The following CUBN variants were observed in gnomAD, a reference collection of about 807,000 sequenced individuals.
CUBN encodes the protein 460 kDa receptor.
In CUBN, 282 loss-of-function variants were observed where a neutral mutation model predicts 405.3. The observed-to-expected ratio is 0.70, with a 90% CI of 0.63 to 0.77. The LOEUF (loss-of-function observed/expected upper bound fraction) is 0.77, where lower values mean the gene tolerates loss of function less well. CUBN is among the 30% of genes least tolerant of loss of function. CUBN has a pLI of 0.00. For synonymous variants in CUBN, 1,684 were observed against 1,617.0 expected, an observed-to-expected ratio of 1.04 and a Z score of -0.99; for missense variants, 4,514 against 4,475.2, an observed-to-expected ratio of 1.01 and a Z score of -0.25.
At chr10:16,892,520 G>A (rs1289207577) in intron 54 of CUBN, among the ~76,000 whole-genome samples, 1 of 151,846 alleles carries the variant, frequency 6.6e-6, no homozygotes, top group Non-Finnish European at 1.5e-5. Flanking sequence ...TTTTGAGACA[G>A]TCTCACTCTC....
At chr10:17,042,087 G>A (rs895094410) in intron 26 of CUBN, among the ~76,000 whole-genome samples, 2 of 152,072 alleles carry the variant, frequency 1.3e-5, no homozygotes, top group African/African-American at 2.4e-5. Context: ...TTCCTACTAC[G>A]ATATGCTTTC....
In CUBN at chr10:17,112,790, T is replaced by C. The variant is rs550035797; in HGVS notation, c.883+1237A>G. Among the ~76,000 whole-genome samples, 98 of 152,128 alleles carry C rather than the reference T, an allele frequency of 6.4e-4. 2 individuals carry two copies. In the South Asian group the frequency reaches 0.02, roughly 31 times the overall value. On this transcript the variant is annotated intron_variant, in intron 8 of 66. Transcript: ENST00000377833. The stretch of plus-strand genomic sequence containing the variant: ...GGCGAGAAGAAACTTGCCAAGAAAC[T>C]TGGGTTTCAATTCTGGCTATCTGTA...
intron 22 of CUBN, among the ~76,000 whole-genome samples, chr10:17,060,411 C>G (rs1835479334): frequency 6.6e-6 from 1 of 151,880 alleles, no homozygotes. Flanking sequence ...ATAAGCCACC[C>G]TGCCTGGCCA....
chr10:17,071,565 G>C lies in CUBN; in HGVS notation c.2486C>G (p.Ser829Trp). 2 of 1,613,760 alleles carry C rather than the reference G, an allele frequency of 1.2e-6. No individual in the cohort carries two copies. The highest frequency in any genetic ancestry group is 1.7e-6 in the Non-Finnish European group (2 of 1,179,856). Residue 829 changes from serine to tryptophan, a missense_variant, in exon 19 of 67, where the codon TCG becomes TGG. This residue lies in a region of CUBN where 1,448 missense variants were observed against 1,388.0 expected (regional missense o/e 1.04). Transcript: ENST00000377833. ...DELTGEGVIR[S>W]PFFPNVYPGE... Reference sequence around the variant, plus strand: ...AGGATACACGTTAGGAAAAAAAGGCGAGCGAATGACCCCTTCTCCAGTTAA... The same window carrying C: ...AGGATACACGTTAGGAAAAAAAGGCCAGCGAATGACCCCTTCTCCAGTTAA...
intron 29 of CUBN, among the ~76,000 whole-genome samples, chr10:16,988,358 T>C (rs1033173579): frequency 1.3e-5 from 2 of 152,206 alleles, no homozygotes; most frequent in South Asian, 2.1e-4. Flanking sequence ...AGTCCTACTT[T>C]GTGCTGTGAG....
chr10:17,052,643 C>G (rs990599232), intron 22 of CUBN, among the ~76,000 whole-genome samples: 14 of 150,638 alleles, frequency 9.3e-5, no homozygotes, highest in African/African-American at 2.4e-4. Context: ...GCCTGTAGTC[C>G]CAGCTACTCG....
chr10:16,862,041 C>G (rs1840028374), intron 59 of CUBN, among the ~76,000 whole-genome samples: 1 of 152,006 alleles, frequency 6.6e-6, no homozygotes, highest in Non-Finnish European at 1.5e-5. Flanking sequence ...CCCAGCTACT[C>G]AAGGGGCTGA....
intron 48 of CUBN, among the ~76,000 whole-genome samples, chr10:16,911,360 G>A (rs1356256334): frequency 6.6e-6 from 1 of 152,162 alleles, no homozygotes; most frequent in Non-Finnish European, 1.5e-5. Context: ...GAGACGATTG[G>A]GAAAGTATAT....
intron 62 of CUBN, among the ~76,000 whole-genome samples, chr10:16,839,481 G>T (rs1417016946): frequency 6.6e-6 from 1 of 150,454 alleles, no homozygotes; most frequent in African/African-American, 2.4e-5. Context: ...ATCATCACTA[G>T]CCATCAGAGA....
chr10:17,081,206 T>C (rs1319261765), intron 17 of CUBN, among the ~76,000 whole-genome samples: 1 of 152,198 alleles, frequency 6.6e-6, no homozygotes, highest in Non-Finnish European at 1.5e-5. Flanking sequence ...CACTCAGCAA[T>C]GGTACCTTAA....
At chr10:16,896,822 G>A (rs1338125599) in intron 54 of CUBN, among the ~76,000 whole-genome samples, 1 of 152,106 alleles carries the variant, frequency 6.6e-6, no homozygotes, top group Non-Finnish European at 1.5e-5. Context: ...GAGTCCCTAA[G>A]TCTGTGTTGA....
At chr10:17,002,943 A>G (rs1298443039) in intron 28 of CUBN, among the ~76,000 whole-genome samples, 1 of 152,218 alleles carries the variant, frequency 6.6e-6, no homozygotes, top group Non-Finnish European at 1.5e-5. Context: ...CTTTGGTTCC[A>G]CACTAAGAAG....
At chr10:16,986,402 C>A (rs1833425784) in intron 29 of CUBN, among the ~76,000 whole-genome samples, 1 of 152,058 alleles carries the variant, frequency 6.6e-6, no homozygotes, top group Non-Finnish European at 1.5e-5. Flanking sequence ...GGAGTGAGAA[C>A]AAGAAGCCTA....
intron 58 of CUBN, 42 bp from the exon 59 acceptor site, chr10:16,869,895 C>T (rs751749468): frequency 3.5e-6 from 5 of 1,416,942 alleles, no homozygotes; most frequent in Non-Finnish European, 4.0e-6. Flanking sequence ...TCCATTTGGA[C>T]TTCTATTAAA....
At chr10:16,973,144 C>T (rs1452814276) in intron 31 of CUBN, among the ~76,000 whole-genome samples, 3 of 152,178 alleles carry the variant, frequency 2.0e-5, no homozygotes, top group African/African-American at 4.8e-5. Flanking sequence ...ACATGCTCCC[C>T]GGCATTTCTT....
intron 27 of CUBN, among the ~76,000 whole-genome samples, chr10:17,023,129 C>T (rs530899844): frequency 3.3e-5 from 5 of 151,500 alleles, no homozygotes; most frequent in East Asian, 1.9e-4. Context: ...GATGGGATTA[C>T]GCATTGAAGG....
intron 56 of CUBN, 21 bp downstream of exon 56, chr10:16,888,396 T>C: frequency 6.2e-7 from 1 of 1,601,680 alleles, no homozygotes; most frequent in Non-Finnish European, 8.6e-7. Flanking sequence ...AAACGTAATT[T>C]TTTTAAAAGA....
intron 33 of CUBN, 151 bp from the exon 34 acceptor site, chr10:16,950,262 T>C (rs1339852442): frequency 6.1e-6 from 4 of 652,098 alleles, no homozygotes; most frequent in African/African-American, 1.8e-5. Flanking sequence ...AGGGTAATTG[T>C]AGTCGATAAT....
At chr10:17,121,266 C>A (rs946409452) in intron 6 of CUBN, among the ~76,000 whole-genome samples, 1 of 151,152 alleles carries the variant, frequency 6.6e-6, no homozygotes, top group African/African-American at 2.4e-5. Context: ...AAGATCAGAT[C>A]AAAAAAACAA....
Sources: gnomAD v4.1 joint callset for allele counts (sites outside exome capture counted in the v4.1 genomes callset) on GRCh38, gnomAD v4.1.1 for gene constraint, gnomAD v4.1.1 regional missense constraint, MANE v1.5 for transcripts, NCBI Gene and HGNC (gene_info 2026-07-23, HGNC 2026-07-21) for gene names.